EMSY: variants seen among roughly 807,000 people sequenced by gnomAD.
EMSY encodes BRCA2-interacting transcriptional repressor EMSY.
In EMSY, 26 loss-of-function variants were observed where a neutral mutation model predicts 134.6. The ratio of observed to expected loss-of-function variants is 0.19; its 90% confidence interval spans 0.14 to 0.27. The LOEUF (loss-of-function observed/expected upper bound fraction) is 0.27. Among genes scored for constraint, EMSY ranks in the 10% least tolerant of loss-of-function variants. The pLI is 1.00. For missense variants in EMSY, 1,305 were observed against 1,611.4 expected (o/e 0.81, Z 3.26); for synonymous variants, 579 against 577.8 (o/e 1.00, Z -0.03).
At chr11:76,531,349 C>G (rs1951034204) in intron 14 of EMSY, among the ~76,000 whole-genome samples, 1 of 152,182 alleles carries the variant, frequency 6.6e-6, no homozygotes, top group Non-Finnish European at 1.5e-5. Context: ...CTGCATTTAA[C>G]TGTTGTGGTT....
chr11:76,457,308 A>G (rs977039451), intron 4 of EMSY, among the ~76,000 whole-genome samples: 3 of 152,200 alleles, frequency 2.0e-5, no homozygotes, highest in African/African-American at 7.2e-5. Flanking sequence ...GAAGAGATTG[A>G]TTATTTCGGA....
chr11:76,537,936 A>G (rs764097430), exon 16 of EMSY: 71 of 1,611,846 alleles, frequency 4.4e-5, no homozygotes, highest in African/African-American at 6.7e-5. Flanking sequence ...CTAGTAGCTG[A>G]ATACATCACT....
chr11:76,456,970 CATTT>C (rs1202969230), intron 4 of EMSY, among the ~76,000 whole-genome samples: 1 of 152,116 alleles, frequency 6.6e-6, no homozygotes. Context: ...TCGAAGGAGA[CATTT>C]ATTAGTTGCG....
intron 9 of EMSY, among the ~76,000 whole-genome samples, chr11:76,511,561 A>G (rs910453364): frequency 1.3e-5 from 2 of 152,102 alleles, no homozygotes; most frequent in African/African-American, 4.8e-5. Context: ...TTAGCCGGGC[A>G]TGATGACAGG....
chr11:76,546,437 C>T, intron 20 of EMSY, 140 bp downstream of exon 21: 1 of 1,231,702 alleles, frequency 8.1e-7, no homozygotes, highest in South Asian at 1.6e-5. Flanking sequence ...TGGTGTTTGA[C>T]AAATTTGGTT....
exon 19 of EMSY, chr11:76,544,523 C>G (rs1003647630): frequency 1.2e-6 from 2 of 1,614,034 alleles, no homozygotes; most frequent in Non-Finnish European, 1.7e-6. Context: ...GCACAAACTC[C>G]CGCAAATGCC....
intron 8 of EMSY, among the ~76,000 whole-genome samples, chr11:76,477,677 A>T (rs1948821549): frequency 6.6e-6 from 1 of 152,154 alleles, no homozygotes; most frequent in Non-Finnish European, 1.5e-5. Context: ...AGAAGGAAAT[A>T]GTTTATCTTA....
chr11:76,536,694 A>T (rs73495426), intron 15 of EMSY, among the ~76,000 whole-genome samples: 1 of 152,192 alleles, frequency 6.6e-6, no homozygotes, highest in African/African-American at 2.4e-5. Context: ...CTTTTCCTTT[A>T]TAATAGGTCA....
At chr11:76,472,420 A>T in intron 7 of EMSY, 144 bp from the exon 9 acceptor site, 1 of 758,610 alleles carries the variant, frequency 1.3e-6, no homozygotes, top group Non-Finnish European at 2.0e-6. Flanking sequence ...GGAAAATTTT[A>T]ATATATTTTT....
intron 1 of EMSY, among the ~76,000 whole-genome samples, chr11:76,446,301 GTA>G (rs1392630552): frequency 1.1e-5 from 1 of 91,424 alleles, no homozygotes; most frequent in Non-Finnish European, 2.4e-5. Flanking sequence ...ACTTGAGAGA[GTA>G]TATATATATG....
chr11:76,455,188 C>T (rs1947819421), intron 4 of EMSY, among the ~76,000 whole-genome samples: 1 of 152,080 alleles, frequency 6.6e-6, no homozygotes, highest in African/African-American at 2.4e-5. Context: ...TTTTATCTGC[C>T]TGTGTTTCCT....
intron 11 of EMSY, among the ~76,000 whole-genome samples, chr11:76,517,990 T>G (rs1360354363): frequency 6.6e-6 from 1 of 152,052 alleles, no homozygotes; most frequent in African/African-American, 2.4e-5. Context: ...TTTTCTTATT[T>G]TATAATATTG....
At chr11:76,513,436 C>T in exon 10 of EMSY, 1 of 1,613,720 alleles carries the variant, frequency 6.2e-7, no homozygotes, top group Non-Finnish European at 8.5e-7. Context: ...CTTACCCAAA[C>T]CAGTGACAGC....
At chr11:76,478,834 A>C (rs1948866081) in intron 8 of EMSY, among the ~76,000 whole-genome samples, 1 of 150,506 alleles carries the variant, frequency 6.6e-6, no homozygotes. Context: ...TAATTTATTA[A>C]ATTATTCCCT....
intron 9 of EMSY, among the ~76,000 whole-genome samples, chr11:76,505,787 G>A (rs1290790907): frequency 6.6e-6 from 1 of 151,998 alleles, no homozygotes; most frequent in Non-Finnish European, 1.5e-5. Context: ...AACCCGGGGG[G>A]TGGAGCTTGC....
chr11:76,542,745 C>CATTTTTT (rs200810890), intron 18 of EMSY, among the ~76,000 whole-genome samples: 92 of 129,232 alleles, frequency 7.1e-4, no homozygotes, highest in African/African-American at 2.9e-3. Flanking sequence ...GTTTGTTTTT[C>CATTTTTT]GTTTTTTGTT....
At chr11:76,474,986 ACTC>A (rs2135403693) in intron 8 of EMSY, among the ~76,000 whole-genome samples, 1 of 151,782 alleles carries the variant, frequency 6.6e-6, no homozygotes, top group South Asian at 2.1e-4. Context: ...CTGATCTCGA[ACTC>A]CTGGCCTCAA....
At chr11:76,457,973 T>C (rs767661437) in intron 4 of EMSY, among the ~76,000 whole-genome samples, 1 of 152,198 alleles carries the variant, frequency 6.6e-6, no homozygotes, top group Non-Finnish European at 1.5e-5. Flanking sequence ...AGATTCAGAT[T>C]ATAGAATAAA....
chr11:76,508,442 T>G (rs1329458116), intron 9 of EMSY, among the ~76,000 whole-genome samples: 1 of 152,124 alleles, frequency 6.6e-6, no homozygotes, highest in Non-Finnish European at 1.5e-5. Flanking sequence ...CTTTGTTGTT[T>G]CATTTATAGA....
Sources: gnomAD v4.1 joint callset for allele counts (sites outside exome capture counted in the v4.1 genomes callset) on GRCh38, gnomAD v4.1.1 for gene constraint, MANE v1.5 for transcripts, NCBI Gene and HGNC (gene_info 2026-07-23, HGNC 2026-07-21) for gene names.